The following PYHIN1 variants were observed in gnomAD, a reference collection of about 807,000 sequenced individuals.
PYHIN1 encodes pyrin and HIN domain-containing protein 1.
In PYHIN1, 32 loss-of-function variants were observed where a neutral mutation model predicts 43.7. The observed-to-expected ratio is 0.73, with a 90% CI of 0.55 to 0.98. The LOEUF is 0.98. Among genes scored for constraint, PYHIN1 ranks in the 50% least tolerant of loss-of-function variants. The probability of loss-of-function intolerance (pLI) is 0.00; values close to 1 mark genes in which losing one functional copy is unlikely to be tolerated. For synonymous variants in PYHIN1, 205 were observed against 203.1 expected, an observed-to-expected ratio of 1.01 and a Z score of -0.08; for missense variants, 588 against 589.5, an observed-to-expected ratio of 1.00 and a Z score of 0.03.
Position 158,941,886 on chromosome 1 carries a change from G to C in PYHIN1, c.580-91G>C, listed in dbSNP as rs1049506434. ...CTCTACACATCTACAACTTTTGGGG[G>C]CCCAATGTTGTGCCTTGAGGTCACT... is the stretch of plus-strand genomic sequence containing the variant. On this transcript the variant is annotated intron_variant, in intron 4 of 8. Transcript: ENST00000368140. 5 of 1,227,056 alleles carry C rather than the reference G, an allele frequency of 4.1e-6. No homozygotes were observed. The African/African-American group carries it at 6.1e-5, about 15-fold the overall frequency. 76.0% of individuals were successfully genotyped at this position (1,227,056 alleles called of 1,614,324 possible).
In PYHIN1 at chr1:158,945,158, T is replaced by G; in HGVS notation, c.1359+116T>G. 2.8e-6 allele frequency: 3 copies of G among 1,055,440 alleles called. No homozygotes were observed. The South Asian group carries it at 5.5e-5, about 19-fold the overall frequency. The allele number at this position is 1,055,440 out of a possible 1,614,324, so 65.4% of individuals were successfully genotyped here. On this transcript the variant is annotated intron_variant, in intron 7 of 8. Transcript: ENST00000368140. ...AACTGTGTACAATCTCTAGATAAAA[T>G]TAAATCACCCATGTATTTATTGAAT...
intron 7 of PYHIN1, among the ~76,000 whole-genome samples, chr1:158,969,824 A>G (rs902128215): frequency 6.7e-6 from 1 of 148,926 alleles, no homozygotes; most frequent in Non-Finnish European, 1.5e-5. Context: ...CCATTTCTAC[A>G]TTCATAGGAA....
chr1:158,990,034 G>A, the PYHIN1 span, among the ~76,000 whole-genome samples: 10 of 149,670 alleles, frequency 6.7e-5, no homozygotes, highest in Admixed American at 4.0e-4. Context: ...GTGAATGAGT[G>A]TATGGCATGC....
At chr1:158,947,625 C>G (rs1649295160) in intron 7 of PYHIN1, among the ~76,000 whole-genome samples, 1 of 152,252 alleles carries the variant, frequency 6.6e-6, no homozygotes, top group Non-Finnish European at 1.5e-5. Flanking sequence ...GATATTCTGC[C>G]TGTCAGTTCG....
chr1:158,938,080 A>T (rs1212962474), intron 2 of PYHIN1, among the ~76,000 whole-genome samples: 1 of 152,254 alleles, frequency 6.6e-6, no homozygotes, highest in Non-Finnish European at 1.5e-5. Flanking sequence ...GCATCATGAG[A>T]ACCTTACATT....
chr1:158,941,742 A>G (rs1257094305), intron 4 of PYHIN1, among the ~76,000 whole-genome samples: 1 of 152,160 alleles, frequency 6.6e-6, no homozygotes, highest in African/African-American at 2.4e-5. Flanking sequence ...TATATCTTAC[A>G]TTTTAAGGAT....
chr1:158,964,968 A>G (rs763425756), intron 7 of PYHIN1, among the ~76,000 whole-genome samples: 1 of 152,094 alleles, frequency 6.6e-6, no homozygotes, highest in Non-Finnish European at 1.5e-5. Context: ...GCAAGACCCA[A>G]TGGTATACTG....
chr1:158,970,345 G>A (rs1398993950), intron 7 of PYHIN1, among the ~76,000 whole-genome samples: 2 of 151,926 alleles, frequency 1.3e-5, no homozygotes, highest in Admixed American at 1.3e-4. Flanking sequence ...TGGTTAAATT[G>A]CGCAGTGGTG....
chr1:158,952,995 C>A (rs1053151749), intron 7 of PYHIN1, among the ~76,000 whole-genome samples: 1 of 152,134 alleles, frequency 6.6e-6, no homozygotes, highest in Admixed American at 6.5e-5. Flanking sequence ...GGGTGATCGA[C>A]GCACCTGGAA....
At chr1:158,985,980 G>A in the PYHIN1 span, among the ~76,000 whole-genome samples, 1 of 152,064 alleles carries the variant, frequency 6.6e-6, no homozygotes, top group Non-Finnish European at 1.5e-5. Flanking sequence ...TGAAATTTTT[G>A]TAGTGAGTTT....
In PYHIN1 at chr1:158,937,132, A is replaced by C; in HGVS notation, c.222A>C (p.Thr74=). The C allele has an allele frequency of 1.2e-6, 2 of 1,607,294 alleles. No homozygotes were observed. The highest frequency in any genetic ancestry group is 1.7e-6 in the Non-Finnish European group (2 of 1,177,932). ...KLIEFFKEIP[T]LGDLAETLKR... ...TAGAATTCTTCAAAGAAATACCAACACTGGGAGACCTTGCTGAAACTCTTA... is the reference window on the plus strand; with the variant it reads ...TAGAATTCTTCAAAGAAATACCAACCCTGGGAGACCTTGCTGAAACTCTTA... The change falls in exon 2 of 9, where the codon ACA becomes ACC. Residue 74 remains threonine (T), a synonymous_variant. Transcript: ENST00000368140.
intron 1 of PYHIN1, among the ~76,000 whole-genome samples, chr1:158,932,208 G>T (rs1200099822): frequency 6.6e-6 from 1 of 152,108 alleles, no homozygotes; most frequent in East Asian, 1.9e-4. Flanking sequence ...ACTAACACAG[G>T]AATACCAAAT....
intron 4 of PYHIN1, 60 bp from the exon 5 acceptor site, chr1:158,941,917 G>A: frequency 6.8e-7 from 1 of 1,477,624 alleles, no homozygotes; most frequent in Non-Finnish European, 9.0e-7. Flanking sequence ...TCACTGAAGA[G>A]CAATTCTGTA....
In PYHIN1 at chr1:158,933,856, C is replaced by A. The variant is rs1169130105; in HGVS notation, c.-21+2080C>A. Among the ~76,000 whole-genome samples, 1 of 151,870 alleles carries A rather than the reference C, an allele frequency of 6.6e-6. No individual in the cohort carries two copies. The highest frequency in any genetic ancestry group is 1.5e-5 in the Non-Finnish European group (1 of 67,942). ...AGTCATAGGCACACATAATCAAGTT[C>A]GTTTTTCATTCTTACTTGTCTTTTG... On this transcript the variant is annotated intron_variant, in intron 1 of 8. Coordinates refer to ENST00000368140, the MANE Select transcript of PYHIN1 (RefSeq NM_152501.5). The surrounding 1 kb of genome is among the most constrained non-coding windows in gnomAD (Gnocchi z 6.3).
chr1:158,984,776 G>A, the PYHIN1 span, among the ~76,000 whole-genome samples: 2 of 152,108 alleles, frequency 1.3e-5, no homozygotes, highest in Admixed American at 1.3e-4. Context: ...TTATTGTGAG[G>A]TTAGCTAGTT....
At chr1:158,981,986 C>T (rs1935068), downstream of PYHIN1, among the ~76,000 whole-genome samples, 6,262 of 152,110 alleles carry the variant, frequency 0.041, 350 homozygotes, top group East Asian at 0.26. Context: ...TTTAATGAAA[C>T]TGTTTGGTTT....
chr1:158,989,797 C>A, the PYHIN1 span, among the ~76,000 whole-genome samples: 1 of 152,116 alleles, frequency 6.6e-6, no homozygotes, highest in African/African-American at 2.4e-5. Flanking sequence ...TACAGCAACC[C>A]TTTAAAACTA....
chr1:158,983,404 T>A, the PYHIN1 span, among the ~76,000 whole-genome samples: 1 of 152,266 alleles, frequency 6.6e-6, no homozygotes, highest in African/African-American at 2.4e-5. Flanking sequence ...AATCACGTGA[T>A]TTTTGTTTTT....
rs903619862 is a variant in PYHIN1, at chr1:158,945,019, C to T, written c.1336C>T (p.Pro446Ser). 1.2e-6 allele frequency: 2 copies of T among 1,613,512 alleles called. No individual in the cohort carries two copies. The highest frequency in any genetic ancestry group is 8.5e-7 in the Non-Finnish European group (1 of 1,179,662). ...LKTPQMPPTT[P>S]SSSSFTKKDE... ...GACTCCTCAGATGCCACCAACAACC[C>T]CATCCAGCAGTTCCTTCACCAAGGT... The change falls in exon 7 of 9, where the codon CCA becomes TCA. Residue 446 changes from proline (P) to serine (S), a missense_variant. Physicochemically the swap from Pro to Ser is moderately conservative, Grantham distance 74. Transcript: ENST00000368140.
Sources: allele counts gnomAD v4.1 joint callset (sites outside exome capture counted in the v4.1 genomes callset), GRCh38; gene constraint gnomAD v4.1.1; non-coding constraint Gnocchi (gnomAD v3.1); transcripts MANE v1.5; gene names NCBI Gene and HGNC (gene_info 2026-07-23, HGNC 2026-07-21).